BMAL2: variants seen among roughly 807,000 people sequenced by gnomAD.
The protein encoded by BMAL2 is basic helix-loop-helix ARNT like 2.
the BMAL2 span, among the ~76,000 whole-genome samples, chr12:27,405,026 T>G: frequency 1.6e-4 from 24 of 152,140 alleles, no homozygotes; most frequent in Admixed American, 1.6e-3. Flanking sequence ...GAGATCAAAC[T>G]GCAAGGCGGC....
the BMAL2 span, among the ~76,000 whole-genome samples, chr12:27,393,529 A>G: frequency 2.0e-5 from 3 of 152,158 alleles, no homozygotes; most frequent in East Asian, 5.8e-4. Flanking sequence ...GTAAGTAGGG[A>G]TGCCCTGGAC....
At chr12:27,416,678 CCAGG>C in the BMAL2 span, among the ~76,000 whole-genome samples, 11 of 152,154 alleles carry the variant, frequency 7.2e-5, no homozygotes, top group African/African-American at 2.4e-4. Context: ...AATATCAGAG[CCAGG>C]CATGGTGGCT....
chr12:27,343,773 T>C, the BMAL2 span, among the ~76,000 whole-genome samples: 1 of 152,330 alleles, frequency 6.6e-6, no homozygotes, highest in South Asian at 2.1e-4. Flanking sequence ...GGATTAGGTA[T>C]AATGCCTATG....
At chr12:27,356,247 G>A in the BMAL2 span, among the ~76,000 whole-genome samples, 6 of 152,204 alleles carry the variant, frequency 3.9e-5, no homozygotes, top group South Asian at 2.1e-4. Context: ...TTGCTAGGAA[G>A]ACTAATTTCA....
the BMAL2 span, among the ~76,000 whole-genome samples, chr12:27,388,094 CACAT>C: frequency 1.3e-5 from 2 of 149,954 alleles, no homozygotes; most frequent in African/African-American, 5.0e-5. Context: ...CATGCACACA[CACAT>C]GCACGCACAC....
chr12:27,420,019 G>GCGCGCGCGCGCGCGCGCACACACA, the BMAL2 span, among the ~76,000 whole-genome samples: 8 of 147,476 alleles, frequency 5.4e-5, no homozygotes, highest in African/African-American at 1.8e-4. Context: ...GTTTGCGCGT[G>GCGCGCGCGCGCGCGCGCACACACA]CACACACACA....
the BMAL2 span, among the ~76,000 whole-genome samples, chr12:27,352,421 TAGTA>T: frequency 6.6e-6 from 1 of 152,140 alleles, no homozygotes; most frequent in African/African-American, 2.4e-5. Context: ...TACCTCAAAA[TAGTA>T]AGAGCCATCT....
chr12:27,410,983 C>T, the BMAL2 span, among the ~76,000 whole-genome samples: 13 of 151,974 alleles, frequency 8.6e-5, no homozygotes, highest in East Asian at 3.9e-4. Context: ...GGATTTCATA[C>T]GGTAAAATAG....
chr12:27,380,107 C>T, the BMAL2 span: 3 of 752,270 alleles, frequency 4.0e-6, no homozygotes, highest in South Asian at 4.2e-5. Context: ...CCTCTTCCCT[C>T]ACTGACAACT....
the BMAL2 span, among the ~76,000 whole-genome samples, chr12:27,406,363 A>C: frequency 0.02 from 3,019 of 152,320 alleles, 88 homozygotes; most frequent in African/African-American, 0.069. Context: ...GTTACCCACA[A>C]AGGGAAGCCC....
chr12:27,341,131 T>C, the BMAL2 span, among the ~76,000 whole-genome samples: 1 of 149,410 alleles, frequency 6.7e-6, no homozygotes, highest in Non-Finnish European at 1.5e-5. Context: ...TGGCGAGGAC[T>C]TCTAATACTA....
the BMAL2 span, among the ~76,000 whole-genome samples, chr12:27,376,825 C>T: frequency 2.5e-3 from 373 of 151,654 alleles, no homozygotes; most frequent in African/African-American, 8.4e-3. Context: ...ACGGTGAAAC[C>T]CCGTCTCTAC....
the BMAL2 span, chr12:27,387,169 T>C: frequency 4.3e-5 from 46 of 1,063,284 alleles, no homozygotes; most frequent in South Asian, 1.1e-4. Context: ...TGTGTGTGTG[T>C]GCGTGTGTAT....
chr12:27,366,430 T>A, the BMAL2 span, among the ~76,000 whole-genome samples: 1 of 152,240 alleles, frequency 6.6e-6, no homozygotes, highest in Non-Finnish European at 1.5e-5. Flanking sequence ...TATTGTAGAC[T>A]TATTACATTC....
At chr12:27,353,251 A>G in the BMAL2 span, among the ~76,000 whole-genome samples, 1 of 152,228 alleles carries the variant, frequency 6.6e-6, no homozygotes, top group Non-Finnish European at 1.5e-5. Context: ...GGAACAGGTT[A>G]GAGAACCCAG....
the BMAL2 span, chr12:27,400,736 G>C: frequency 3.1e-6 from 5 of 1,611,854 alleles, no homozygotes; most frequent in African/African-American, 4.0e-5. Context: ...TTATAACCCG[G>C]TTTGCAGTGA....
chr12:27,393,623 A>T, the BMAL2 span, among the ~76,000 whole-genome samples: 1 of 152,214 alleles, frequency 6.6e-6, no homozygotes, highest in Non-Finnish European at 1.5e-5. Flanking sequence ...TTCTGAAAAG[A>T]TCCCTGCACA....
the BMAL2 span, among the ~76,000 whole-genome samples, chr12:27,354,333 T>A: frequency 1.3e-5 from 2 of 152,000 alleles, no homozygotes; most frequent in Non-Finnish European, 2.9e-5. Context: ...AACCAAATAG[T>A]GTATGTTCTC....
At chr12:27,382,808 ATACTC>A in the BMAL2 span, among the ~76,000 whole-genome samples, 1 of 152,172 alleles carries the variant, frequency 6.6e-6, no homozygotes, top group African/African-American at 2.4e-5. Context: ...TTTTTTCACT[ATACTC>A]TACAGCAGTG....
Sources: gnomAD v4.1 joint callset for allele counts (sites outside exome capture counted in the v4.1 genomes callset) on GRCh38, gnomAD v4.1.1 for gene constraint, MANE v1.5 for transcripts, NCBI Gene and HGNC (gene_info 2026-07-23, HGNC 2026-07-21) for gene names.